Variants in NPSR1 observed in about 807,000 individuals in gnomAD.
NPSR1 encodes the protein neuropeptide S receptor.
In NPSR1, 48 loss-of-function variants were observed where a neutral mutation model predicts 46.9. That is an observed-to-expected ratio of 1.02 (90% CI 0.81 to 1.30). The LOEUF (loss-of-function observed/expected upper bound fraction) is 1.30. Ranked by LOEUF, NPSR1 falls within the 50% of genes most tolerant of loss-of-function variation. The probability of loss-of-function intolerance (pLI) is 0.00; values close to 1 mark genes in which losing one functional copy is unlikely to be tolerated. For missense variants in NPSR1, 450 were observed against 449.5 expected, an observed-to-expected ratio of 1.00 and a Z score of -0.01; for synonymous variants, 176 against 168.1, an observed-to-expected ratio of 1.05 and a Z score of -0.36.
chr7:34,764,806 A>G (rs1258146720), intron 2 of NPSR1, among the ~76,000 whole-genome samples: 2 of 152,122 alleles, frequency 1.3e-5, no homozygotes, highest in Non-Finnish European at 2.9e-5. Flanking sequence ...CACAGATACA[A>G]GGCAGGAGTT....
At position 34,658,499 on chromosome 7, in the gene NPSR1, A is replaced by G; in HGVS notation, c.87A>G (p.Thr29=). 3 of 1,614,126 alleles carry G rather than the reference A, an allele frequency of 1.9e-6. No individual in the cohort carries two copies. Among genetic ancestry groups the G allele is most frequent in the Non-Finnish European group, 2.5e-6 (3 of 1,179,988 alleles). Residue 29 remains threonine (T), a synonymous_variant, in exon 1 of 9, where the codon ACA becomes ACG. Transcript: ENST00000360581. ...LDSSPVACTE[T]VTFTEVVEGK... ...CTTCCCCAGTGGCTTGCACTGAAAC[A>G]GTGACTTTTACTGAAGTGGTGGAAG...
At chr7:34,672,346 C>T (rs1215175549) in intron 1 of NPSR1, among the ~76,000 whole-genome samples, 2 of 152,100 alleles carry the variant, frequency 1.3e-5, no homozygotes, top group African/African-American at 2.4e-5. Flanking sequence ...AGTCCTCTTG[C>T]GATCCAAGAA....
intron 3 of NPSR1, among the ~76,000 whole-genome samples, chr7:34,787,107 G>A (rs1266946911): frequency 6.6e-6 from 1 of 152,078 alleles, no homozygotes; most frequent in Non-Finnish European, 1.5e-5. Flanking sequence ...GTATTTTACT[G>A]TTTGTTTCCA....
chr7:34,753,537 G>A (rs1785655543), intron 2 of NPSR1: 1 of 152,120 alleles, frequency 6.6e-6, no homozygotes, highest in Admixed American at 6.6e-5. Flanking sequence ...TTTGTACTAA[G>A]TTTGGCATCA....
intron 4 of NPSR1, among the ~76,000 whole-genome samples, chr7:34,825,736 C>T (rs958568310): frequency 1.3e-5 from 2 of 152,148 alleles, no homozygotes; most frequent in African/African-American, 4.8e-5. Flanking sequence ...TGGATGCAGC[C>T]AGGCACAGAG....
At chr7:34,857,007 C>T (rs1449051343) in intron 8 of NPSR1, among the ~76,000 whole-genome samples, 1 of 151,550 alleles carries the variant, frequency 6.6e-6, no homozygotes, top group Non-Finnish European at 1.5e-5. Flanking sequence ...GGGTAAAGTT[C>T]CATGAGCTCC....
At chr7:34,674,879 A>G (rs2609217) in intron 1 of NPSR1, among the ~76,000 whole-genome samples, 45,607 of 152,086 alleles carry the variant, frequency 0.3, 8,288 homozygotes, top group African/African-American at 0.52. Context: ...ACCCAGCCCC[A>G]GAAACCCAGC....
chr7:34,825,613 C>T (rs1224622840), intron 4 of NPSR1, among the ~76,000 whole-genome samples: 2 of 152,126 alleles, frequency 1.3e-5, no homozygotes, highest in Admixed American at 1.3e-4. Context: ...CTGAAGGTCA[C>T]CAGGGAGGGT....
Position 34,684,675 on chromosome 7 carries a change from G to T in NPSR1, c.271G>T (p.Ala91Ser), listed in dbSNP as rs1467120948. 2 of 1,611,260 alleles carry T rather than the reference G, an allele frequency of 1.2e-6. No homozygotes were observed. Among genetic ancestry groups the T allele is most frequent in the Non-Finnish European group, 1.7e-6 (2 of 1,178,938 alleles). The change falls in exon 2 of 9, where the codon GCC (alanine) becomes TCC (serine). Residue 91 changes from alanine (A) to serine (S), a missense_variant. Coordinates refer to ENST00000360581, the MANE Select transcript of NPSR1 (RefSeq NM_207172.2). ...AATGACCTTCTTTGTGACTCAGCTG[G>T]CCATCACAGGTAAGTAACTATGCAA... Reference protein sequence around the residue: ...SRMTFFVTQLAITDSFTGLVN... With the variant: ...SRMTFFVTQLSITDSFTGLVN...
At chr7:34,862,237 G>T (rs1680324757) in intron 8 of NPSR1, among the ~76,000 whole-genome samples, 1 of 151,582 alleles carries the variant, frequency 6.6e-6, no homozygotes, top group Non-Finnish European at 1.5e-5. Context: ...GTGGGAGTTG[G>T]GGGGTGGCAG....
chr7:34,813,758 A>G (rs1789107037), intron 4 of NPSR1, among the ~76,000 whole-genome samples: 1 of 152,260 alleles, frequency 6.6e-6, no homozygotes, highest in Admixed American at 6.5e-5. Flanking sequence ...GAGTTAGACC[A>G]GTGGTGTGAC....
intron 2 of NPSR1, among the ~76,000 whole-genome samples, chr7:34,721,804 A>G (rs941909093): frequency 6.6e-6 from 1 of 152,212 alleles, no homozygotes; most frequent in Non-Finnish European, 1.5e-5. Flanking sequence ...TTAAATGCTT[A>G]AAAATAGTTA....
chr7:34,759,481 G>A (rs1160068756), intron 2 of NPSR1, among the ~76,000 whole-genome samples: 1 of 152,050 alleles, frequency 6.6e-6, no homozygotes. Flanking sequence ...CTACAATTTG[G>A]TGCGTGTTTC....
intron 2 of NPSR1, among the ~76,000 whole-genome samples, chr7:34,754,938 T>G (rs2128725933): frequency 6.6e-6 from 1 of 152,108 alleles, no homozygotes; most frequent in South Asian, 2.1e-4. Flanking sequence ...AAGGTTCATT[T>G]TTGTTGTAGC....
chr7:34,851,324 A>C (rs1322873624), downstream of NPSR1, among the ~76,000 whole-genome samples: 4 of 147,434 alleles, frequency 2.7e-5, no homozygotes, highest in Non-Finnish European at 6.0e-5. Flanking sequence ...TTTTTTTCAT[A>C]AACTCTTTTC....
chr7:34,819,242 A>G (rs1202994512), intron 4 of NPSR1, among the ~76,000 whole-genome samples: 1 of 152,238 alleles, frequency 6.6e-6, no homozygotes, highest in Non-Finnish European at 1.5e-5. Context: ...AACCCCATCA[A>G]AAAGTGGGCA....
chr7:34,830,808 A>G (rs1209258691), intron 5 of NPSR1, among the ~76,000 whole-genome samples: 2 of 152,052 alleles, frequency 1.3e-5, no homozygotes, highest in Non-Finnish European at 2.9e-5. Context: ...GACAAGATCT[A>G]CTTGTTTTTT....
At chr7:34,689,569 C>T (rs1212736791) in intron 2 of NPSR1, among the ~76,000 whole-genome samples, 20 of 121,000 alleles carry the variant, frequency 1.7e-4, no homozygotes, top group African/African-American at 5.6e-4. Context: ...TGTGCCACTG[C>T]ACTCCAGCCT....
intron 8 of NPSR1, among the ~76,000 whole-genome samples, chr7:34,859,138 G>A (rs1791124828): frequency 6.6e-6 from 1 of 151,688 alleles, no homozygotes; most frequent in Non-Finnish European, 1.5e-5. Context: ...ACAGCTGAAA[G>A]ATCCTTCTCT....
Sources: gnomAD v4.1 joint callset for allele counts (sites outside exome capture counted in the v4.1 genomes callset) on GRCh38, gnomAD v4.1.1 for gene constraint, MANE v1.5 for transcripts, NCBI Gene and HGNC (gene_info 2026-07-23, HGNC 2026-07-21) for gene names.